PRKCE: variants seen among roughly 807,000 people sequenced by gnomAD.
PRKCE encodes protein kinase C epsilon type.
PRKCE carries 16 observed loss-of-function variants against 85.4 expected under a neutral mutation model. The observed-to-expected ratio is 0.19, with a 90% confidence interval of 0.13 to 0.28. The LOEUF (loss-of-function observed/expected upper bound fraction) is 0.28. Ranked by LOEUF, PRKCE falls within the 10% of genes least tolerant of loss-of-function variation. PRKCE has a pLI of 1.00. For synonymous variants in PRKCE, 388 were observed against 371.5 expected (o/e 1.04, Z -0.51); for missense variants, 573 against 975.2 (o/e 0.59, Z 5.49).
At chr2:45,955,148 G>T (rs529359439) in intron 2 of PRKCE, among the ~76,000 whole-genome samples, 2 of 152,280 alleles carry the variant, frequency 1.3e-5, no homozygotes, top group Non-Finnish European at 2.9e-5. Flanking sequence ...CAATAGTAAA[G>T]ACTCCAAGTA....
intron 11 of PRKCE, among the ~76,000 whole-genome samples, chr2:46,116,011 G>A (rs1160736673): frequency 6.6e-6 from 1 of 152,206 alleles, no homozygotes; most frequent in Non-Finnish European, 1.5e-5. Flanking sequence ...GAGGATTGGG[G>A]TGAGGTTTCT....
chr2:45,836,876 G>A lies in PRKCE; in HGVS notation c.349-6124G>A, dbSNP rs561393268. Among the ~76,000 whole-genome samples, 16 of 152,172 alleles carry A rather than the reference G, an allele frequency of 1.1e-4. No individual in the cohort carries two copies. The South Asian group carries it at 3.1e-3, about 30-fold the overall frequency. On this transcript the variant is annotated intron_variant, in intron 1 of 14. Transcript: ENST00000306156. ...ATCTTTTTCAGACCCTGTCCCTGTTGCCCTTTTGCCTCTCTCCACGCCTTT... is the reference window on the plus strand; with the variant it reads ...ATCTTTTTCAGACCCTGTCCCTGTTACCCTTTTGCCTCTCTCCACGCCTTT...
At chr2:45,682,694 C>T (rs1040832775) in intron 1 of PRKCE, among the ~76,000 whole-genome samples, 21 of 152,308 alleles carry the variant, frequency 1.4e-4, no homozygotes, top group African/African-American at 5.1e-4. Context: ...TCAAGCAATT[C>T]TCCTGCCTCA....
In PRKCE at chr2:45,895,275, G is replaced by A. The variant is rs1452215640; in HGVS notation, c.412+52212G>A. ...TGTCGGTTGTAGAGGTGCCCCTTCA[G>A]TACACACACAGCTACGGTAACAGTA... On this transcript the variant is annotated intron_variant, in intron 2 of 14. Transcript: ENST00000306156. This position sits in a 1 kb window ranked among gnomAD's most constrained non-coding sequence, Gnocchi z 4.8. Among the ~76,000 whole-genome samples, 1 of 152,184 alleles carries A rather than the reference G, an allele frequency of 6.6e-6. No homozygotes were observed. Among genetic ancestry groups the A allele is most frequent in the Non-Finnish European group, 1.5e-5 (1 of 68,030 alleles).
chr2:46,119,305 TG>T (rs1302098705), intron 11 of PRKCE, among the ~76,000 whole-genome samples: 4 of 151,934 alleles, frequency 2.6e-5, no homozygotes, highest in African/African-American at 9.7e-5. Flanking sequence ...GTTATTAGGG[TG>T]TTTTTTTTTC....
intron 1 of PRKCE, among the ~76,000 whole-genome samples, chr2:45,808,340 C>G (rs1314493239): frequency 1.3e-5 from 2 of 152,170 alleles, no homozygotes; most frequent in Non-Finnish European, 2.9e-5. Context: ...AGAAAAAGAA[C>G]TGTGGAAAAT....
chr2:45,661,535 T>G (rs1192790503), intron 1 of PRKCE, among the ~76,000 whole-genome samples: 2 of 136,634 alleles, frequency 1.5e-5, no homozygotes, highest in South Asian at 4.7e-4. Flanking sequence ...TTTTTGTTTT[T>G]TTTTTTTTTT....
chr2:45,730,928 C>A (rs943764718), intron 1 of PRKCE, among the ~76,000 whole-genome samples: 1 of 152,038 alleles, frequency 6.6e-6, no homozygotes, highest in Non-Finnish European at 1.5e-5. Context: ...ACATTTTTAC[C>A]TTTATGGAGC....
chr2:46,113,788 G>A (rs1672490248), intron 11 of PRKCE, among the ~76,000 whole-genome samples: 1 of 152,086 alleles, frequency 6.6e-6, no homozygotes. Flanking sequence ...TAACAGGGGT[G>A]GCATGACATG....
chr2:46,115,805 C>T (rs1475626455), intron 11 of PRKCE, among the ~76,000 whole-genome samples: 1 of 152,216 alleles, frequency 6.6e-6, no homozygotes, highest in African/African-American at 2.4e-5. Flanking sequence ...ACAGAGGGTA[C>T]CAGGTACCCC....
At chr2:45,860,142 G>T (rs886548102) in intron 2 of PRKCE, among the ~76,000 whole-genome samples, 6 of 152,172 alleles carry the variant, frequency 3.9e-5, no homozygotes, top group African/African-American at 7.2e-5. Flanking sequence ...TATCTAAGTT[G>T]TTTATCATTG....
intron 2 of PRKCE, among the ~76,000 whole-genome samples, chr2:45,958,381 CGCCTGTAGTCCCA>C (rs1701122867): frequency 6.6e-6 from 1 of 150,820 alleles, no homozygotes; most frequent in Non-Finnish European, 1.5e-5. Flanking sequence ...TGGTGGCGGG[CGCCTGTAGTCCCA>C]GCTATTTGGG....
At chr2:45,729,297 A>G (rs1204610034) in intron 1 of PRKCE, among the ~76,000 whole-genome samples, 2 of 152,196 alleles carry the variant, frequency 1.3e-5, no homozygotes, top group East Asian at 3.8e-4. Flanking sequence ...GATAGAGTAG[A>G]GAGAAAGTAG....
chr2:45,848,931 T>A (rs946477336), intron 2 of PRKCE, among the ~76,000 whole-genome samples: 1 of 152,034 alleles, frequency 6.6e-6, no homozygotes, highest in Non-Finnish European at 1.5e-5. Flanking sequence ...GCAGGCTGGA[T>A]TGGCAGGGAA....
At chr2:45,910,372 C>T (rs1697296682) in intron 2 of PRKCE, among the ~76,000 whole-genome samples, 1 of 152,128 alleles carries the variant, frequency 6.6e-6, no homozygotes, top group Admixed American at 6.5e-5. Context: ...ACAGGAAGCC[C>T]ACCCTGAAAA....
intron 1 of PRKCE, among the ~76,000 whole-genome samples, chr2:45,659,447 A>G (rs1572872897): frequency 6.6e-6 from 1 of 152,178 alleles, no homozygotes; most frequent in Non-Finnish European, 1.5e-5. Context: ...GATTATTTCA[A>G]CAGCCTCTGA....
chr2:45,945,374 A>T (rs1700171762), intron 2 of PRKCE, among the ~76,000 whole-genome samples: 1 of 151,354 alleles, frequency 6.6e-6, no homozygotes, highest in African/African-American at 2.4e-5. Context: ...AAGAGCGGGG[A>T]GGTGTCATAC....
intron 10 of PRKCE, among the ~76,000 whole-genome samples, chr2:46,031,792 C>G (rs932577050): frequency 1.3e-5 from 2 of 152,186 alleles, no homozygotes; most frequent in African/African-American, 4.8e-5. Flanking sequence ...GCTAGTCCAT[C>G]ATGCTCCTCC....
At chr2:45,778,590 C>T (rs1685942723) in intron 1 of PRKCE, among the ~76,000 whole-genome samples, 1 of 152,184 alleles carries the variant, frequency 6.6e-6, no homozygotes, top group Admixed American at 6.5e-5. Flanking sequence ...AAGGGCTCCT[C>T]ATGGGGTTTC....
Sources: allele counts gnomAD v4.1 joint callset (sites outside exome capture counted in the v4.1 genomes callset), GRCh38; gene constraint gnomAD v4.1.1; non-coding constraint Gnocchi (gnomAD v3.1); transcripts MANE v1.5; gene names NCBI Gene and HGNC (gene_info 2026-07-23, HGNC 2026-07-21).